Variants in RBFOX1 observed in about 807,000 individuals in gnomAD.
The protein encoded by RBFOX1 is RNA binding protein fox-1 homolog 1.
Under a neutral mutation model 57.7 loss-of-function variants are expected in RBFOX1, and 8 were observed. The ratio of observed to expected loss-of-function variants is 0.14; its 90% CI spans 0.08 to 0.25. The LOEUF (loss-of-function observed/expected upper bound fraction) is 0.25. Among genes scored for constraint, RBFOX1 ranks in the 10% least tolerant of loss-of-function variants. The pLI is 1.00. For missense variants in RBFOX1, 611 were observed against 548.5 expected (o/e 1.11, Z -1.14); for synonymous variants, 326 against 222.4 (o/e 1.47, Z -4.15).
intron 3 of RBFOX1, among the ~76,000 whole-genome samples, chr16:5,709,843 ATTTTTTTTTTTTTT>A (rs35733374): frequency 7.2e-3 from 88 of 12,240 alleles, no homozygotes; most frequent in East Asian, 0.011. Flanking sequence ...ATATATATAT[ATTTTTTTTTTTTTT>A]TTTTTTTTTT....
chr16:6,409,000 A>T (rs1769136059), intron 2 of RBFOX1, among the ~76,000 whole-genome samples: 1 of 152,184 alleles, frequency 6.6e-6, no homozygotes, highest in Non-Finnish European at 1.5e-5. Context: ...TGTTTTGTTC[A>T]TCAATGCATA....
At chr16:6,456,121 C>A (rs925964177) in intron 2 of RBFOX1, among the ~76,000 whole-genome samples, 5 of 152,152 alleles carry the variant, frequency 3.3e-5, no homozygotes, top group African/African-American at 4.8e-5. Flanking sequence ...TTAGCACCTA[C>A]TCTGTTGCTG....
chr16:7,189,511 T>C (rs1391294799), intron 4 of RBFOX1, among the ~76,000 whole-genome samples: 1 of 147,778 alleles, frequency 6.8e-6, no homozygotes, highest in Non-Finnish European at 1.5e-5. Context: ...TTCTCTCCAG[T>C]TTAGAATACA....
intron 5 of RBFOX1, among the ~76,000 whole-genome samples, chr16:7,545,237 C>T (rs904846026): frequency 2.0e-5 from 3 of 152,132 alleles, no homozygotes; most frequent in African/African-American, 7.2e-5. Flanking sequence ...CAGGCAAGAG[C>T]CCCTGCCTTT....
intron 2 of RBFOX1, among the ~76,000 whole-genome samples, chr16:6,558,578 T>A (rs1349420800): frequency 6.6e-6 from 1 of 152,140 alleles, no homozygotes; most frequent in Non-Finnish European, 1.5e-5. Flanking sequence ...AATTGACACA[T>A]GGGGCTTTTG....
At chr16:7,045,847 A>G (rs61039203) in intron 3 of RBFOX1, among the ~76,000 whole-genome samples, 19,114 of 151,926 alleles carry the variant, frequency 0.13, 2,087 homozygotes, top group East Asian at 0.29. Context: ...TAGTAGAGAC[A>G]GAGTTTTACC....
chr16:7,440,955 G>A (rs749338320), intron 4 of RBFOX1, among the ~76,000 whole-genome samples: 1 of 152,048 alleles, frequency 6.6e-6, no homozygotes, highest in Admixed American at 6.6e-5. Context: ...GAGAGGATCA[G>A]TTAAGCCCGC....
intron 2 of RBFOX1, among the ~76,000 whole-genome samples, chr16:5,590,183 A>G (rs1263124926): frequency 6.6e-6 from 1 of 152,172 alleles, no homozygotes; most frequent in East Asian, 1.9e-4. Flanking sequence ...GCAGTCTGAA[A>G]CGATTTACAT....
chr16:7,305,428 G>T (rs1392476746), intron 4 of RBFOX1, among the ~76,000 whole-genome samples: 1 of 152,094 alleles, frequency 6.6e-6, no homozygotes, highest in African/African-American at 2.4e-5. Flanking sequence ...AGGGCTAGAA[G>T]GGGTTTTGTC....
At chr16:6,899,776 C>T (rs888582059) in intron 3 of RBFOX1, among the ~76,000 whole-genome samples, 17 of 152,302 alleles carry the variant, frequency 1.1e-4, no homozygotes, top group South Asian at 2.1e-4. Context: ...GTACATCATA[C>T]TTACATATTT....
chr16:7,146,879 G>A (rs537125079), intron 4 of RBFOX1, among the ~76,000 whole-genome samples: 12 of 149,094 alleles, frequency 8.0e-5, no homozygotes, highest in African/African-American at 2.2e-4. Context: ...GAACCAGGAG[G>A]TCGAGGTTGC....
chr16:6,269,677 A>T (rs1023014998), intron 1 of RBFOX1, among the ~76,000 whole-genome samples: 5 of 152,226 alleles, frequency 3.3e-5, no homozygotes, highest in African/African-American at 1.2e-4. Flanking sequence ...AGACATTTTC[A>T]GATGAAGAAA....
chr16:7,092,544 C>T (rs923930933), intron 4 of RBFOX1, among the ~76,000 whole-genome samples: 5 of 152,172 alleles, frequency 3.3e-5, no homozygotes, highest in African/African-American at 1.2e-4. Context: ...TTAACCAATT[C>T]TTTGATTATC....
At chr16:6,861,814 C>T (rs1324218435) in intron 3 of RBFOX1, among the ~76,000 whole-genome samples, 8 of 141,244 alleles carry the variant, frequency 5.7e-5, no homozygotes, top group South Asian at 2.4e-4. Flanking sequence ...TCCTAGCCAG[C>T]GTCCCTTGGT....
intron 1 of RBFOX1, among the ~76,000 whole-genome samples, chr16:5,330,008 G>A (rs1167382356): frequency 1.3e-5 from 2 of 148,902 alleles, no homozygotes; most frequent in East Asian, 2.0e-4. Context: ...AAAAAAGACC[G>A]ATGCGGTGTC....
At chr16:6,954,592 C>T (rs1568060103) in intron 3 of RBFOX1, among the ~76,000 whole-genome samples, 1 of 152,094 alleles carries the variant, frequency 6.6e-6, no homozygotes. Flanking sequence ...GATCCTATAT[C>T]CTCCTCATTA....
At chr16:6,801,845 AGT>A (rs1242628710) in intron 3 of RBFOX1, among the ~76,000 whole-genome samples, 2 of 152,090 alleles carry the variant, frequency 1.3e-5, no homozygotes, top group Admixed American at 1.3e-4. Context: ...TCTACATGTA[AGT>A]GTGCATTCAT....
At chr16:6,991,770 C>T (rs1001176215) in intron 3 of RBFOX1, among the ~76,000 whole-genome samples, 1 of 152,154 alleles carries the variant, frequency 6.6e-6, no homozygotes, top group Non-Finnish European at 1.5e-5. Context: ...CTCCTGAGCC[C>T]AAGCAATCTG....
At position 7,711,677 on chromosome 16, in the gene RBFOX1, A is replaced by T. The variant is rs1318308240; in HGVS notation, c.*932A>T. ...CAGTTAAAAAAAATGTATAAAATTT[A>T]CATCTGTGCAGTGGAGTTGTTAAGT... On this transcript the variant is annotated 3_prime_UTR_variant, in exon 16 of 16. Transcript: ENST00000550418. 1 of 152,654 alleles carries T rather than the reference A, an allele frequency of 6.6e-6. No individual in the cohort carries two copies. Among genetic ancestry groups the T allele is most frequent in the Non-Finnish European group, 1.5e-5 (1 of 68,032 alleles). The allele number at this position is 152,654 out of a possible 1,614,324, so 9.5% of individuals were successfully genotyped here. A position where few individuals can be genotyped will look rare whatever the true frequency, so the allele number is the denominator to read the frequency against.
Sources: allele counts gnomAD v4.1 joint callset (sites outside exome capture counted in the v4.1 genomes callset), GRCh38; gene constraint gnomAD v4.1.1; transcripts MANE v1.5; gene names NCBI Gene and HGNC (gene_info 2026-07-23, HGNC 2026-07-21).